AVEN: variants seen among roughly 807,000 people sequenced by gnomAD.
AVEN encodes the protein apoptosis and caspase activation inhibitor.
AVEN carries 41 observed loss-of-function variants against 38.1 expected under a neutral mutation model. The ratio of observed to expected loss-of-function variants is 1.08; its 90% CI spans 0.84 to 1.40. AVEN has a LOEUF of 1.40. Among genes scored for constraint, AVEN ranks in the 40% most tolerant of loss-of-function variants. The probability of loss-of-function intolerance (pLI) is 0.00; values close to 1 mark genes in which losing one functional copy is unlikely to be tolerated. For synonymous variants in AVEN, 206 were observed against 171.8 expected (o/e 1.20, Z -1.56); for missense variants, 605 against 438.8 (o/e 1.38, Z -3.38).
chr15:33,910,499 G>A (rs1892878181), intron 2 of AVEN, among the ~76,000 whole-genome samples: 1 of 152,230 alleles, frequency 6.6e-6, no homozygotes, highest in African/African-American at 2.4e-5. Flanking sequence ...AGCTGCGCCA[G>A]TATCTGTCAT....
the AVEN span, chr15:33,853,650 G>C: frequency 6.2e-7 from 1 of 1,613,928 alleles, no homozygotes; most frequent in Non-Finnish European, 8.5e-7. Flanking sequence ...CAGTAGAAGA[G>C]ACCAAAGCAG....
At chr15:34,055,189 T>C (rs1341268118) in intron 5 of AVEN, among the ~76,000 whole-genome samples, 2 of 139,510 alleles carry the variant, frequency 1.4e-5, no homozygotes, top group Non-Finnish European at 3.1e-5. Flanking sequence ...TGAAACTCCG[T>C]CTCAAAAAAA....
At chr15:33,910,570 T>A (rs1446795284) in intron 2 of AVEN, among the ~76,000 whole-genome samples, 3 of 152,074 alleles carry the variant, frequency 2.0e-5, no homozygotes, top group Admixed American at 6.6e-5. Flanking sequence ...AAAGTACTAG[T>A]GGGAATTTGT....
intron 2 of AVEN, among the ~76,000 whole-genome samples, chr15:33,902,392 C>T (rs1177791307): frequency 6.6e-6 from 1 of 152,146 alleles, no homozygotes; most frequent in East Asian, 1.9e-4. Context: ...TATTCTTTCT[C>T]AATAAAAACT....
At chr15:34,029,766 T>C (rs1898683020) in intron 1 of AVEN, among the ~76,000 whole-genome samples, 1 of 152,208 alleles carries the variant, frequency 6.6e-6, no homozygotes, top group Non-Finnish European at 1.5e-5. Flanking sequence ...AATTGAAGTG[T>C]AATGTATCTG....
chr15:34,043,802 G>A (rs1899578141), upstream of AVEN, among the ~76,000 whole-genome samples: 1 of 152,098 alleles, frequency 6.6e-6, no homozygotes. Context: ...TCTATTTCAT[G>A]AAGAAATGAA....
chr15:33,863,794 A>G (rs1288011918), downstream of AVEN, among the ~76,000 whole-genome samples: 1 of 152,198 alleles, frequency 6.6e-6, no homozygotes, highest in African/African-American at 2.4e-5. Context: ...TGGCCTGTTA[A>G]ATATTCTATG....
chr15:33,983,148 GTGTGTGTGTGTA>G lies in AVEN; in HGVS notation c.445+19872_445+19883del, dbSNP rs750245033. ...ATACTCTGTGTGTGTGTGTGTGTGT[GTGTGTGTGTGTA>G]TGTGTGTGTGTATATATACACACGT... On this transcript the variant is annotated intron_variant, in intron 2 of 5. Coordinates refer to ENST00000306730, the MANE Select transcript of AVEN (RefSeq NM_020371.3). Among the ~76,000 whole-genome samples, 765 of 137,638 alleles carry G rather than the reference GTGTGTGTGTGTA, an allele frequency of 5.6e-3. 15 individuals carry two copies. The highest frequency in any genetic ancestry group is 0.04 in the Admixed American group (561 of 14,108). 90.3% of individuals were successfully genotyped at this position (137,638 alleles called of 152,430 possible).
rs1895406365 is a variant in AVEN, at chr15:33,966,850, G to A, written c.445+36182C>T. On this transcript the variant is annotated intron_variant, in intron 2 of 5. Transcript: ENST00000306730. ...TTCATAGAAAAATTAAAATCCATTG[G>A]GAAGAAACCTTGACATTAATGAAAA... Among the ~76,000 whole-genome samples the A allele has an allele frequency of 3.9e-5, 6 of 151,992 alleles. No homozygotes were observed. In the South Asian group the frequency reaches 1.2e-3, roughly 32 times the overall value.
In AVEN at chr15:33,920,135, A is replaced by G. The variant is rs1220381974; in HGVS notation, c.446-44140T>C. Among the ~76,000 whole-genome samples, 10 of 152,290 alleles carry G rather than the reference A, an allele frequency of 6.6e-5. No homozygotes were observed. The East Asian group carries it at 9.6e-4, about 15-fold the overall frequency. On this transcript the variant is annotated intron_variant, in intron 2 of 5. Transcript: ENST00000306730. The stretch of plus-strand genomic sequence containing the variant: ...TGAGATTTCTTCTTCTATATGCAAC[A>G]GGGTGCTAGAGTCAACCATGCAATG...
At chr15:34,027,987 T>G (rs1461737473) in intron 1 of AVEN, among the ~76,000 whole-genome samples, 5 of 152,048 alleles carry the variant, frequency 3.3e-5, no homozygotes, top group Non-Finnish European at 7.4e-5. Context: ...GGCCCTAATA[T>G]CTCACCTCTG....
chr15:33,884,839 T>C (rs908431849), intron 2 of AVEN, among the ~76,000 whole-genome samples: 7 of 152,214 alleles, frequency 4.6e-5, no homozygotes, highest in Non-Finnish European at 8.8e-5. Context: ...ATGTGAAAGA[T>C]GGAAAATCTT....
intron 2 of AVEN, among the ~76,000 whole-genome samples, chr15:33,945,270 A>T (rs1334058533): frequency 6.6e-6 from 1 of 152,156 alleles, no homozygotes; most frequent in Non-Finnish European, 1.5e-5. Flanking sequence ...CACCACAGAA[A>T]CAGCTTTACC....
At chr15:34,060,353 G>C (rs1001381694) in intron 5 of AVEN, among the ~76,000 whole-genome samples, 1 of 152,122 alleles carries the variant, frequency 6.6e-6, no homozygotes, top group Non-Finnish European at 1.5e-5. Context: ...TCTGGTTTCC[G>C]GTGCAAGACA....
chr15:33,868,813 T>G (rs992602850), intron 4 of AVEN, among the ~76,000 whole-genome samples: 11 of 152,220 alleles, frequency 7.2e-5, no homozygotes, highest in African/African-American at 2.2e-4. Flanking sequence ...TCTGAGGTGC[T>G]GACAATATTC....
chr15:33,902,992 G>C (rs757030473), intron 2 of AVEN, among the ~76,000 whole-genome samples: 1 of 152,024 alleles, frequency 6.6e-6, no homozygotes, highest in African/African-American at 2.4e-5. Flanking sequence ...TCTTTTGGCC[G>C]CCAGGATCTG....
rs74006771 is a variant in AVEN at position 33,908,048 on chromosome 15, C to A, written c.446-32053G>T. Among the ~76,000 whole-genome samples the A allele has an allele frequency of 6.6e-3, 1,004 of 152,276 alleles. 8 individuals are homozygous for A. The highest frequency in any genetic ancestry group is 0.022 in the African/African-American group (932 of 41,560). On this transcript the variant is annotated intron_variant, in intron 2 of 5. Coordinates refer to ENST00000306730, the MANE Select transcript of AVEN (RefSeq NM_020371.3). ...CAGATAAAAGGCTATTTTTCATTTA[C>A]ATTGTATATTTTACAAATCACTTAT...
chr15:34,012,265 C>A (rs1282735863), intron 1 of AVEN, among the ~76,000 whole-genome samples: 1 of 139,064 alleles, frequency 7.2e-6, no homozygotes, highest in Admixed American at 6.9e-5. Context: ...CTTTGCCAAT[C>A]TATTTAATCC....
At chr15:33,992,145 G>A (rs1896749491) in intron 2 of AVEN, 1 of 152,304 alleles carries the variant, frequency 6.6e-6, no homozygotes, top group Non-Finnish European at 1.5e-5. Flanking sequence ...CCAGCACTCT[G>A]GGAGGCCAAG....
Sources: gnomAD v4.1 joint callset for allele counts (sites outside exome capture counted in the v4.1 genomes callset) on GRCh38, gnomAD v4.1.1 for gene constraint, MANE v1.5 for transcripts, NCBI Gene and HGNC (gene_info 2026-07-23, HGNC 2026-07-21) for gene names.